The following DNMBP variants were observed in gnomAD, a reference collection of about 807,000 sequenced individuals.
DNMBP encodes dynamin-binding protein.
Under a neutral mutation model 150.0 loss-of-function variants are expected in DNMBP, and 87 were observed. The ratio of observed to expected loss-of-function variants is 0.58; its 90% CI spans 0.49 to 0.69. DNMBP has a LOEUF of 0.69. Ranked by LOEUF, DNMBP falls within the 30% of genes least tolerant of loss-of-function variation. DNMBP has a pLI of 0.00. For missense variants in DNMBP, 1,774 were observed against 1,949.0 expected, an observed-to-expected ratio of 0.91 and a Z score of 1.69; for synonymous variants, 711 against 750.4, an observed-to-expected ratio of 0.95 and a Z score of 0.86.
At chr10:99,885,578 A>G in intron 14 of DNMBP, 109 bp downstream of exon 14, 1 of 1,055,782 alleles carries the variant, frequency 9.5e-7, no homozygotes, top group Non-Finnish European at 1.3e-6. Context: ...TTCTCCATTT[A>G]TTATGAAATA....
chr10:99,987,970 G>T (rs1478276232), intron 1 of DNMBP, among the ~76,000 whole-genome samples: 2 of 152,134 alleles, frequency 1.3e-5, no homozygotes, highest in African/African-American at 4.8e-5. Flanking sequence ...CTTTTGCGGG[G>T]CCATCTAGGC....
chr10:100,001,410 G>GTTTTTTTTT lies in DNMBP; in HGVS notation c.-11+8427_-11+8428insAAAAAAAAA, dbSNP rs1346291816. On this transcript the variant is annotated intron_variant, in intron 1 of 16. Coordinates refer to ENST00000324109, the MANE Select transcript of DNMBP (RefSeq NM_015221.4). ...ACAATTGTGATGGGGTTTTGTTGTT[G>GTTTTTTTTT]TTGTTTTTTTTTTTTTTTTGAGACA... Among the ~76,000 whole-genome samples the GTTTTTTTTT allele has an allele frequency of 3.1e-4, 30 of 96,374 alleles. 2 individuals are homozygous for GTTTTTTTTT. Among genetic ancestry groups the GTTTTTTTTT allele is most frequent in the African/African-American group, 1.0e-3 (26 of 25,566 alleles). The allele number at this position is 96,374 out of a possible 152,430, so 63.2% of individuals were successfully genotyped here.
intron 11 of DNMBP, 104 bp downstream of exon 11, chr10:99,894,842 G>A: frequency 3.7e-6 from 3 of 820,358 alleles, no homozygotes; most frequent in East Asian, 5.3e-5. Flanking sequence ...ATAGTAATTT[G>A]AGTCCAGATT....
chr10:100,006,207 T>A (rs1388484249), intron 1 of DNMBP, among the ~76,000 whole-genome samples: 1 of 152,330 alleles, frequency 6.6e-6, no homozygotes, highest in East Asian at 1.9e-4. Context: ...TCTCATGACC[T>A]GACAATCTGA....
intron 4 of DNMBP, among the ~76,000 whole-genome samples, chr10:99,921,476 A>C (rs569088033): frequency 1.8e-4 from 28 of 152,296 alleles, no homozygotes; most frequent in African/African-American, 6.5e-4. Flanking sequence ...GCTATCATGG[A>C]GCTTAGACTC....
At chr10:99,910,701 G>A (rs1408091753) in intron 4 of DNMBP, among the ~76,000 whole-genome samples, 1 of 152,206 alleles carries the variant, frequency 6.6e-6, no homozygotes, top group Non-Finnish European at 1.5e-5. Flanking sequence ...AAGTGAAGAA[G>A]TACTCAACAA....
intron 7 of DNMBP, among the ~76,000 whole-genome samples, chr10:99,899,085 G>C (rs766602527): frequency 6.6e-6 from 1 of 151,950 alleles, no homozygotes; most frequent in Non-Finnish European, 1.5e-5. Flanking sequence ...CCCAGCTACT[G>C]GGGGGCTGAG....
chr10:99,969,061 G>C, intron 3 of DNMBP, 54 bp downstream of exon 3: 1 of 1,603,726 alleles, frequency 6.2e-7, no homozygotes, highest in Non-Finnish European at 8.5e-7. Flanking sequence ...TGTCGAAACG[G>C]GCAGACTCCA....
Position 99,956,264 on chromosome 10 carries a change from C to G in DNMBP, c.1210G>C (p.Asp404His). The change falls in exon 4 of 17, where the codon GAC becomes CAC. Residue 404 changes from aspartate to histidine, a missense_variant. This residue lies in a region of DNMBP where 1,430 missense variants were observed against 1,492.5 expected (regional missense o/e 0.96). Coordinates refer to ENST00000324109, the MANE Select transcript of DNMBP (RefSeq NM_015221.4). ...MPLATDSPTS[D>H]PTEVVNGISS... ...ATACCATTGACTACTTCTGTAGGGT[C>G]AGATGTGGGAGAGTCTGTGGCAAGA... 1 of 1,613,280 alleles carries G rather than the reference C, an allele frequency of 6.2e-7. No individual in the cohort carries two copies. Among genetic ancestry groups the G allele is most frequent in the South Asian group, 1.1e-5 (1 of 91,032 alleles).
chr10:99,991,426 C>T (rs113696639), intron 1 of DNMBP, among the ~76,000 whole-genome samples: 13,520 of 151,892 alleles, frequency 0.089, 932 homozygotes, highest in African/African-American at 0.19. Context: ...CCCACAACAT[C>T]CCCTCTCCTC....
chr10:99,950,304 A>G lies in DNMBP; in HGVS notation c.2260+4910T>C, dbSNP rs545384072. On this transcript the variant is annotated intron_variant, in intron 4 of 16. Transcript: ENST00000324109. ...AGTCCATTAAACCTCTTTCTTTTGT[A>G]AATTGCCCGGTCTTGGGTATGTCTT... Among the ~76,000 whole-genome samples the G allele has an allele frequency of 2.4e-3, 358 of 152,298 alleles. 1 individual carries two copies. Among genetic ancestry groups the G allele is most frequent in the African/African-American group, 8.2e-3 (342 of 41,568 alleles).
intron 4 of DNMBP, among the ~76,000 whole-genome samples, chr10:99,922,499 GC>G: frequency 7.9e-6 from 1 of 126,206 alleles, no homozygotes; most frequent in African/African-American, 3.1e-5. Flanking sequence ...CCTAGCTGCT[GC>G]TGTTTTTTTT....
chr10:99,896,239 G>T (rs201700526), intron 10 of DNMBP, 28 bp downstream of exon 10: 44 of 1,611,890 alleles, frequency 2.7e-5, no homozygotes, highest in Non-Finnish European at 3.6e-5. Flanking sequence ...TCAAAGATGC[G>T]CTAAGCCTTC....
chr10:99,955,673 G>GCTC lies in DNMBP; in HGVS notation c.1798_1800dup (p.Glu600dup), dbSNP rs148577786. ...CTTAGGGCCTTTCTCCTTTCCGGCAGCTCCTGCTCGGTGATTAACTTTGAG... is the reference window on the plus strand; with the variant it reads ...CTTAGGGCCTTTCTCCTTTCCGGCAGCTCCTCCTGCTCGGTGATTAACTTTGAG... On this transcript the variant is annotated inframe_insertion, in exon 4 of 17. Transcript: ENST00000324109. The GCTC allele has an allele frequency of 2.8e-5, 46 of 1,614,242 alleles. No homozygotes were observed. The African/African-American group carries it at 6.1e-4, about 22-fold the overall frequency.
At chr10:99,900,292 A>AT (rs200565652) in intron 6 of DNMBP, among the ~76,000 whole-genome samples, 1,772 of 151,476 alleles carry the variant, frequency 0.012, 31 homozygotes, top group Non-Finnish European at 0.013. Flanking sequence ...GTATGTATTC[A>AT]TTTTTTTTTG....
chr10:99,975,041 G>A (rs1012733755), intron 1 of DNMBP, among the ~76,000 whole-genome samples: 1 of 152,176 alleles, frequency 6.6e-6, no homozygotes, highest in African/African-American at 2.4e-5. Context: ...GTTACAGGGA[G>A]AAGCCACCAT....
intron 1 of DNMBP, among the ~76,000 whole-genome samples, chr10:100,007,122 A>C (rs894204252): frequency 6.6e-6 from 1 of 152,100 alleles, no homozygotes; most frequent in Non-Finnish European, 1.5e-5. Flanking sequence ...CTCCAAAAAA[A>C]AAAAAGTTAT....
At chr10:99,910,128 G>C (rs1416591703) in intron 4 of DNMBP, among the ~76,000 whole-genome samples, 1 of 152,218 alleles carries the variant, frequency 6.6e-6, no homozygotes, top group African/African-American at 2.4e-5. Flanking sequence ...ACAATTACAG[G>C]ACTATTTTAA....
chr10:99,890,319 G>A (rs1320276733), intron 11 of DNMBP, among the ~76,000 whole-genome samples: 1 of 152,132 alleles, frequency 6.6e-6, no homozygotes, highest in Non-Finnish European at 1.5e-5. Flanking sequence ...CTCGCTGTTA[G>A]TCAATCTAAT....
Sources: gnomAD v4.1 joint callset for allele counts (sites outside exome capture counted in the v4.1 genomes callset) on GRCh38, gnomAD v4.1.1 for gene constraint, gnomAD v4.1.1 regional missense constraint, MANE v1.5 for transcripts, NCBI Gene and HGNC (gene_info 2026-07-23, HGNC 2026-07-21) for gene names.